The following ETV1 variants were observed in gnomAD, a reference collection of about 807,000 sequenced individuals.
ETV1 encodes ETS translocation variant 1.
ETV1 carries 27 observed loss-of-function variants against 62.3 expected under a neutral mutation model. The observed-to-expected ratio is 0.43, with a 90% CI of 0.32 to 0.60. The LOEUF (loss-of-function observed/expected upper bound fraction) is 0.60, where lower values mean the gene tolerates loss of function less well. ETV1 is among the 20% of genes least tolerant of loss of function. The probability of loss-of-function intolerance (pLI) is 0.06; values close to 1 mark genes in which losing one functional copy is unlikely to be tolerated. For missense variants in ETV1, 605 were observed against 605.8 expected (o/e 1.00, Z 0.01); for synonymous variants, 222 against 199.6 (o/e 1.11, Z -0.94).
At chr7:13,928,391 C>T (rs910696778) in intron 9 of ETV1, among the ~76,000 whole-genome samples, 1 of 152,016 alleles carries the variant, frequency 6.6e-6, no homozygotes, top group African/African-American at 2.4e-5. Flanking sequence ...CCGAGGCAGG[C>T]AGATCACGAG....
At chr7:13,914,713 A>C (rs551898354) in intron 9 of ETV1, among the ~76,000 whole-genome samples, 3 of 151,996 alleles carry the variant, frequency 2.0e-5, no homozygotes, top group African/African-American at 7.2e-5. Context: ...GGGAAGCTTT[A>C]CCAAAGGTTT....
At chr7:13,910,228 C>CTTTTTTTTTTTTTTTTTTTTTTTTTTT (rs58867942) in intron 10 of ETV1, among the ~76,000 whole-genome samples, 1 of 120,222 alleles carries the variant, frequency 8.3e-6, no homozygotes, top group Non-Finnish European at 1.7e-5. Context: ...AAAAGTTTCC[C>CTTTTTTTTTTTTTTTTTTTTTTTTTTT]TTTTTTTTTT....
In ETV1 at chr7:13,908,004, G is replaced by GT. The variant is rs573637447; in HGVS notation, c.941-1406dup. On this transcript the variant is annotated intron_variant, in intron 11 of 13. Coordinates refer to ENST00000430479, the MANE Select transcript of ETV1 (RefSeq NM_004956.5). ...AGTTTTTCCTTCTGAGATTTACAATGTTTTTTTTATGGGAGTAACTGAGTA... is the reference window on the plus strand; with the variant it reads ...AGTTTTTCCTTCTGAGATTTACAATGTTTTTTTTTATGGGAGTAACTGAGTA... 2.2e-3 allele frequency: 806 copies of GT among 365,072 alleles called. 1 individual carries two copies. Among genetic ancestry groups the GT allele is most frequent in the African/African-American group, 7.5e-3 (351 of 46,656 alleles). 22.6% of individuals were successfully genotyped at this position (365,072 alleles called of 1,614,324 possible).
chr7:13,954,412 C>T (rs1292614195), intron 6 of ETV1, among the ~76,000 whole-genome samples: 1 of 152,138 alleles, frequency 6.6e-6, no homozygotes, highest in African/African-American at 2.4e-5. Flanking sequence ...AAGGCCAACA[C>T]CAAGACGACT....
chr7:13,981,470 G>A (rs4721290), intron 5 of ETV1, among the ~76,000 whole-genome samples: 76,317 of 151,476 alleles, frequency 0.5, 19,458 homozygotes, highest in Admixed American at 0.6. Flanking sequence ...TCCATTAAAG[G>A]AACACATTTA....
Position 13,931,708 on chromosome 7 carries a change from G to T in ETV1, c.596C>A (p.Pro199His), listed in dbSNP as rs1296192613. Residue 199 changes from proline (P) to histidine (H), a missense_variant, in exon 9 of 14, where the codon CCT (proline) becomes CAT (histidine). Around this residue, in one of 3 missense-constraint regions of ETV1, gnomAD observed 426 missense variants for 377.8 expected, o/e 1.13. Coordinates refer to ENST00000430479, the MANE Select transcript of ETV1 (RefSeq NM_004956.5). ...TCCTTCCCTTGGCATCGTCGGCAAA[G>T]GAGGAAAGGAGTTACAGGGTTCAGA... is the stretch of plus-strand genomic sequence containing the variant. Reference protein sequence around the residue: ...QLSEPCNSFPPLPTMPREGRP... With the variant: ...QLSEPCNSFPHLPTMPREGRP... The T allele has an allele frequency of 2.5e-6, 4 of 1,614,038 alleles. No homozygotes were observed. The East Asian group carries it at 8.9e-5, about 36-fold the overall frequency.
At chr7:13,901,052 G>A (rs1420239938) in intron 12 of ETV1, among the ~76,000 whole-genome samples, 1 of 150,048 alleles carries the variant, frequency 6.7e-6, no homozygotes, top group Non-Finnish European at 1.5e-5. Flanking sequence ...CACCCAGGCT[G>A]GGAGTGCAGT....
intron 6 of ETV1, among the ~76,000 whole-genome samples, chr7:13,948,640 C>G (rs1401310633): frequency 6.6e-6 from 1 of 152,150 alleles, no homozygotes; most frequent in Non-Finnish European, 1.5e-5. Context: ...CTACTTTGAG[C>G]TACAATGGCC....
chr7:13,903,244 C>G (rs1352498286), intron 12 of ETV1, among the ~76,000 whole-genome samples: 2 of 152,114 alleles, frequency 1.3e-5, no homozygotes, highest in Non-Finnish European at 2.9e-5. Context: ...GATGATAGCA[C>G]TATGGCATTC....
chr7:13,967,402 CA>C (rs1780412943), intron 6 of ETV1, among the ~76,000 whole-genome samples: 1 of 152,084 alleles, frequency 6.6e-6, no homozygotes, highest in African/African-American at 2.4e-5. Flanking sequence ...AGATTACATA[CA>C]AAACCATTGC....
chr7:13,910,839 T>C (rs1001183537), intron 10 of ETV1, among the ~76,000 whole-genome samples: 2 of 152,180 alleles, frequency 1.3e-5, no homozygotes, highest in African/African-American at 2.4e-5. Flanking sequence ...ATCCAGAACA[T>C]TTAAAGGTGA....
rs555238943 is a variant in ETV1 at position 13,985,528 on chromosome 7, A to AT, written c.181+1109dup. On this transcript the variant is annotated intron_variant, in intron 5 of 13. Coordinates refer to ENST00000430479, the MANE Select transcript of ETV1 (RefSeq NM_004956.5). ...TGATCAACTGCATTCAAGACCACCG[A>AT]TAAAACACGTCAGTCTGCCTCAAAG... The AT allele has an allele frequency of 1.3e-3, 197 of 152,460 alleles. 1 individual carries two copies. Among genetic ancestry groups the AT allele is most frequent in the African/African-American group, 3.7e-3 (155 of 41,552 alleles). 9.4% of individuals were successfully genotyped at this position (152,460 alleles called of 1,614,324 possible).
intron 9 of ETV1, among the ~76,000 whole-genome samples, chr7:13,913,083 T>A (rs1438181678): frequency 6.6e-6 from 1 of 152,234 alleles, no homozygotes; most frequent in Non-Finnish European, 1.5e-5. Flanking sequence ...TTTTAACTTT[T>A]GTTAAATGCT....
At position 13,916,729 on chromosome 7, in the gene ETV1, G is replaced by T. The variant is rs138241091; in HGVS notation, c.803-5422C>A. On this transcript the variant is annotated intron_variant, in intron 9 of 13. Coordinates refer to ENST00000430479, the MANE Select transcript of ETV1 (RefSeq NM_004956.5). ...GGATTGATTGAGCCCAGGAGTTCAA[G>T]ACCAGCCTGGGCAATATGGTGAAAC... 8.8e-3 allele frequency among the ~76,000 whole-genome samples: 1,338 copies of T among 152,210 alleles called. 16 individuals carry two copies. Among genetic ancestry groups the T allele is most frequent in the African/African-American group, 0.028 (1,158 of 41,512 alleles).
chr7:13,988,986 A>G (rs1156364564), intron 3 of ETV1, 22 bp downstream of exon 3: 2 of 1,592,774 alleles, frequency 1.3e-6, no homozygotes, highest in Non-Finnish European at 1.7e-6. Flanking sequence ...TATAAACAGC[A>G]ACTTTCAAAC....
At chr7:13,938,731 G>A (rs969867229) in intron 7 of ETV1, among the ~76,000 whole-genome samples, 3 of 152,144 alleles carry the variant, frequency 2.0e-5, no homozygotes, top group Non-Finnish European at 4.4e-5. Context: ...GCAAAGCCTG[G>A]CAGATAACTA....
At chr7:13,919,127 G>A (rs1784534473) in intron 9 of ETV1, among the ~76,000 whole-genome samples, 2 of 152,152 alleles carry the variant, frequency 1.3e-5, no homozygotes, top group African/African-American at 4.8e-5. Flanking sequence ...GCTAGAAACG[G>A]TATCAGTGAC....
At chr7:13,915,551 T>C (rs950461230) in intron 9 of ETV1, among the ~76,000 whole-genome samples, 3 of 152,196 alleles carry the variant, frequency 2.0e-5, no homozygotes, top group Non-Finnish European at 4.4e-5. Flanking sequence ...CATTTGCTGG[T>C]AAGCTCATAG....
chr7:13,918,559 G>A (rs1448048407), intron 9 of ETV1, among the ~76,000 whole-genome samples: 1 of 152,070 alleles, frequency 6.6e-6, no homozygotes, highest in African/African-American at 2.4e-5. Context: ...CATAAAAAAT[G>A]ATGAGTTCAT....
Sources: allele counts gnomAD v4.1 joint callset (sites outside exome capture counted in the v4.1 genomes callset), GRCh38; gene constraint gnomAD v4.1.1; regional missense constraint gnomAD v4.1.1; transcripts MANE v1.5; gene names NCBI Gene and HGNC (gene_info 2026-07-23, HGNC 2026-07-21).